Variants in ZNF140 observed in about 807,000 individuals in gnomAD.
ZNF140 encodes the protein zinc finger protein 140.
In ZNF140, 13 loss-of-function variants were observed where a neutral mutation model predicts 12.9. The observed-to-expected ratio is 1.01, with a 90% confidence interval of 0.66 to 1.60. The LOEUF (loss-of-function observed/expected upper bound fraction) is 1.60, where lower values mean the gene tolerates loss of function less well. Ranked by LOEUF, ZNF140 falls within the 40% of genes most tolerant of loss-of-function variation. The pLI, the probability that ZNF140 is intolerant of heterozygous loss-of-function variation, is 0.00. For missense variants in ZNF140, 531 were observed against 548.8 expected, an observed-to-expected ratio of 0.97 and a Z score of 0.32; for synonymous variants, 214 against 186.7, an observed-to-expected ratio of 1.15 and a Z score of -1.19.
At chr12:133,093,355 A>G in intron 4 of ZNF140, 2 of 678,904 alleles carry the variant, frequency 2.9e-6, no homozygotes, top group Admixed American at 4.2e-5. Context: ...CCGTTGATAC[A>G]ATCATTAAAG....
chr12:133,097,684 C>A (rs1267094861), intron 4 of ZNF140, among the ~76,000 whole-genome samples: 1 of 151,872 alleles, frequency 6.6e-6, no homozygotes, highest in Non-Finnish European at 1.5e-5. Flanking sequence ...GAGACAGGAT[C>A]TCCCCATTTC....
In ZNF140 at chr12:133,106,343, C is replaced by T. The variant is rs1566326931; in HGVS notation, c.1066C>T (p.Leu356Phe). 9.9e-6 allele frequency: 16 copies of T among 1,614,040 alleles called. No individual in the cohort carries two copies. Among genetic ancestry groups the T allele is most frequent in the Non-Finnish European group, 1.4e-5 (16 of 1,180,046 alleles). ...KHQRIHAGEKLYECDECGKVF... is the reference protein window; with the variant it reads ...KHQRIHAGEKFYECDECGKVF... Reference sequence around the variant, plus strand: ...TCAGAGAATTCATGCTGGAGAAAAGCTCTATGAATGTGATGAATGTGGTAA... The same window carrying T: ...TCAGAGAATTCATGCTGGAGAAAAGTTCTATGAATGTGATGAATGTGGTAA... The change falls in exon 5 of 5, where the codon CTC becomes TTC. Residue 356 changes from leucine (L) to phenylalanine (F), a missense_variant. Transcript: ENST00000355557.
At chr12:133,083,039 T>C (rs1954556536) in intron 2 of ZNF140, 64 bp from the exon 3 acceptor site, 2 of 1,611,852 alleles carry the variant, frequency 1.2e-6, no homozygotes, top group Non-Finnish European at 1.7e-6. Context: ...ACTCATTTTA[T>C]TCCTTGATGA....
chr12:133,093,412 C>A, intron 4 of ZNF140: 1 of 698,534 alleles, frequency 1.4e-6, no homozygotes, highest in Non-Finnish European at 2.6e-6. Context: ...TTGTGTTTTC[C>A]AGGCTTTTTT....
chr12:133,084,717 CT>C (rs1276654977), intron 4 of ZNF140, among the ~76,000 whole-genome samples: 1 of 152,160 alleles, frequency 6.6e-6, no homozygotes, highest in East Asian at 1.9e-4. Context: ...GGAATGCGTA[CT>C]TTTTAGGAGG....
chr12:133,091,133 G>C (rs183731169), intron 4 of ZNF140, among the ~76,000 whole-genome samples: 1 of 149,770 alleles, frequency 6.7e-6, no homozygotes, highest in Admixed American at 6.6e-5. Flanking sequence ...GCTGGGGGAC[G>C]GTCAGGTCTT....
chr12:133,102,439 C>A (rs952187178), intron 4 of ZNF140, among the ~76,000 whole-genome samples: 2 of 152,044 alleles, frequency 1.3e-5, no homozygotes, highest in Non-Finnish European at 2.9e-5. Context: ...TTTATTACAT[C>A]AAGAATGAAA....
rs1398549765 is a variant in ZNF140, at chr12:133,105,791, C to A, written c.514C>A (p.Arg172=). 6.2e-7 allele frequency: 1 copy of A among 1,613,946 alleles called. No homozygotes were observed. The highest frequency in any genetic ancestry group is 8.5e-7 in the Non-Finnish European group (1 of 1,180,034). The part of the protein sequence containing the change: ...GCHECGKTFG[R]RFSLVLHQRT... Reference sequence around the variant, plus strand: ...CCATGAATGTGGAAAAACTTTTGGTCGACGCTTTTCCCTGGTGTTACACCA... The same window carrying A: ...CCATGAATGTGGAAAAACTTTTGGTAGACGCTTTTCCCTGGTGTTACACCA... The change falls in exon 5 of 5, where the codon CGA becomes AGA. Residue 172 remains arginine, a synonymous_variant. Transcript: ENST00000355557.
chr12:133,106,715 C>T lies in ZNF140; in HGVS notation c.*64C>T. On this transcript the variant is annotated 3_prime_UTR_variant, in exon 5 of 5. Coordinates refer to ENST00000355557, the MANE Select transcript of ZNF140 (RefSeq NM_003440.4). ...TTTTAAAAAGAAGTATAATGCCTTA[C>T]TTCAGAGAACTCTTGGAAAGAAGCC... 7.2e-7 allele frequency: 1 copy of T among 1,381,786 alleles called. No homozygotes were observed. Among genetic ancestry groups the T allele is most frequent in the East Asian group, 2.3e-5 (1 of 43,146 alleles). 85.6% of individuals were successfully genotyped at this position (1,381,786 alleles called of 1,614,324 possible).
chr12:133,102,473 C>G (rs1261439996), intron 4 of ZNF140, among the ~76,000 whole-genome samples: 1 of 152,052 alleles, frequency 6.6e-6, no homozygotes, highest in Non-Finnish European at 1.5e-5. Context: ...TGTCTGTAAT[C>G]CTAGCACTTT....
At position 133,091,274 on chromosome 12, in the gene ZNF140, T is replaced by C. The variant is rs886939585; in HGVS notation, c.232+7713T>C. ...GCCCTGGTTTATTGAGACTAGAGAA[T>C]GGCGATGACTTTTACCAAGTATACT... On this transcript the variant is annotated intron_variant, in intron 4 of 4. Transcript: ENST00000355557. Among the ~76,000 whole-genome samples, 547 of 150,784 alleles carry C rather than the reference T, an allele frequency of 3.6e-3. 11 individuals are homozygous for C. The highest frequency in any genetic ancestry group is 0.014 in the Middle Eastern group (4 of 294).
intron 4 of ZNF140, among the ~76,000 whole-genome samples, chr12:133,101,815 A>T (rs1474838518): frequency 3.3e-5 from 5 of 152,120 alleles, no homozygotes; most frequent in African/African-American, 1.2e-4. Context: ...TCCTTACATT[A>T]TCCATCTCAT....
At position 133,081,260 on chromosome 12, in the gene ZNF140, C is replaced by T. The variant is rs1490647910; in HGVS notation, c.-48-13C>T. On this transcript the variant is annotated splice_polypyrimidine_tract_variant and intron_variant, in intron 1 of 4. Coordinates refer to ENST00000355557, the MANE Select transcript of ZNF140 (RefSeq NM_003440.4). Reference sequence around the variant, plus strand: ...TGGCCTGTTCGCTCAGGGCTCCTTTCTCTCTCTGCCAGGTCTGCCATTTTA... The same window carrying T: ...TGGCCTGTTCGCTCAGGGCTCCTTTTTCTCTCTGCCAGGTCTGCCATTTTA... 13 of 1,507,682 alleles carry T rather than the reference C, an allele frequency of 8.6e-6. No individual in the cohort carries two copies. The East Asian group carries it at 2.5e-4, about 29-fold the overall frequency. The allele number at this position is 1,507,682 out of a possible 1,614,324, so 93.4% of individuals were successfully genotyped here. A position where few individuals can be genotyped will look rare whatever the true frequency, so the allele number is the denominator to read the frequency against.
intron 4 of ZNF140, chr12:133,084,027 T>C (rs1464298668): frequency 6.1e-6 from 2 of 329,754 alleles, no homozygotes; most frequent in Non-Finnish European, 5.8e-6. Context: ...AAAACACTAC[T>C]TCATACCCAA....
intron 4 of ZNF140, among the ~76,000 whole-genome samples, chr12:133,103,389 G>T (rs950429619): frequency 6.6e-6 from 1 of 151,766 alleles, no homozygotes; most frequent in African/African-American, 2.4e-5. Context: ...CTGTCAAGTA[G>T]CTAGAAGTAC....
chr12:133,097,354 T>C (rs1314068378), intron 4 of ZNF140, among the ~76,000 whole-genome samples: 7 of 152,068 alleles, frequency 4.6e-5, no homozygotes, highest in Non-Finnish European at 8.8e-5. Flanking sequence ...AAAATTTATT[T>C]AATTTTTGGC....
At chr12:133,101,467 T>C (rs1448645869) in intron 4 of ZNF140, among the ~76,000 whole-genome samples, 1 of 144,260 alleles carries the variant, frequency 6.9e-6, no homozygotes, top group African/African-American at 2.4e-5. Flanking sequence ...TCTTTTGAGA[T>C]GGAGTCTCGC....
intron 4 of ZNF140, among the ~76,000 whole-genome samples, chr12:133,103,110 T>C (rs1349779105): frequency 6.6e-6 from 1 of 152,216 alleles, no homozygotes. Context: ...AATGATCATA[T>C]AAAATTAATT....
intron 4 of ZNF140, among the ~76,000 whole-genome samples, chr12:133,092,867 G>A (rs1225197019): frequency 6.6e-6 from 1 of 151,082 alleles, no homozygotes; most frequent in Non-Finnish European, 1.5e-5. Flanking sequence ...AGTATCAGCC[G>A]CACATTGTTC....
Sources: gnomAD v4.1 joint callset for allele counts (sites outside exome capture counted in the v4.1 genomes callset) on GRCh38, gnomAD v4.1.1 for gene constraint, MANE v1.5 for transcripts, NCBI Gene and HGNC (gene_info 2026-07-23, HGNC 2026-07-21) for gene names.